The following FOXP2 variants were observed in gnomAD, a reference collection of about 807,000 sequenced individuals.
FOXP2 encodes forkhead box protein P2.
A neutral mutation model predicts 115.8 loss-of-function variants in FOXP2; 12 were observed. The ratio of observed to expected loss-of-function variants is 0.10; its 90% CI spans 0.07 to 0.17. The LOEUF (loss-of-function observed/expected upper bound fraction) is 0.17. FOXP2 is among the 10% of genes least tolerant of loss of function. FOXP2 has a pLI of 1.00. For synonymous variants in FOXP2, 328 were observed against 297.7 expected, an observed-to-expected ratio of 1.10 and a Z score of -1.05; for missense variants, 629 against 843.5, an observed-to-expected ratio of 0.75 and a Z score of 3.15.
chr7:114,685,456 T>C (rs1039224097), intron 16 of FOXP2, among the ~76,000 whole-genome samples: 3 of 152,190 alleles, frequency 2.0e-5, no homozygotes, highest in Non-Finnish European at 4.4e-5. Context: ...AACATAAGCA[T>C]AATAACTTCA....
chr7:114,515,942 C>T (rs1798319464), intron 2 of FOXP2, among the ~76,000 whole-genome samples: 1 of 152,148 alleles, frequency 6.6e-6, no homozygotes, highest in African/African-American at 2.4e-5. Context: ...ATTCCATGCT[C>T]ATGGGTAGGA....
At position 114,112,716 on chromosome 7, in the gene FOXP2, G is replaced by A. The variant is rs576334717; in HGVS notation, c.-247+24878G>A. Reference sequence around the variant, plus strand: ...GAATAGGGAGGCTCCAGTGGAACTTGGAAATATACCTAAAGGAACACCGGT... The same window carrying A: ...GAATAGGGAGGCTCCAGTGGAACTTAGAAATATACCTAAAGGAACACCGGT... On this transcript the variant is annotated intron_variant, in intron 1 of 19. Transcript: ENST00000635638. Among the ~76,000 whole-genome samples the A allele has an allele frequency of 1.1e-3, 165 of 152,208 alleles. 11 individuals are homozygous for A. The South Asian group carries it at 0.034, about 31-fold the overall frequency.
intron 2 of FOXP2, among the ~76,000 whole-genome samples, chr7:114,392,748 G>T (rs1004494182): frequency 2.0e-4 from 31 of 152,176 alleles, no homozygotes; most frequent in Admixed American, 2.0e-3. Context: ...ACTCACAGAA[G>T]ACTGAATTTG....
intron 4 of FOXP2, among the ~76,000 whole-genome samples, chr7:114,629,255 T>TTTATTAG (rs1804760352): frequency 6.6e-6 from 1 of 152,196 alleles, no homozygotes; most frequent in Non-Finnish European, 1.5e-5. Flanking sequence ...ATCGGAACCC[T>TTTATTAG]GAGTGTATAT....
At chr7:114,302,016 T>C (rs865987862) in intron 2 of FOXP2, among the ~76,000 whole-genome samples, 1 of 152,152 alleles carries the variant, frequency 6.6e-6, no homozygotes, top group Non-Finnish European at 1.5e-5. Flanking sequence ...TGATTAAAGA[T>C]AAAAAGTGGA....
At chr7:114,439,877 A>G (rs919677150) in intron 2 of FOXP2, among the ~76,000 whole-genome samples, 1 of 152,120 alleles carries the variant, frequency 6.6e-6, no homozygotes, top group Non-Finnish European at 1.5e-5. Flanking sequence ...CCTGGCCTAC[A>G]TTATCTTAAA....
chr7:114,442,886 A>G (rs1584741356), intron 2 of FOXP2, among the ~76,000 whole-genome samples: 1 of 152,220 alleles, frequency 6.6e-6, no homozygotes. Flanking sequence ...GATCAAAGAT[A>G]GAATTGACAC....
chr7:114,260,479 A>G (rs1211737061), intron 1 of FOXP2, among the ~76,000 whole-genome samples: 1 of 152,066 alleles, frequency 6.6e-6, no homozygotes, highest in Non-Finnish European at 1.5e-5. Context: ...ACAGCTTCAT[A>G]AAATTATCTA....
intron 1 of FOXP2, among the ~76,000 whole-genome samples, chr7:114,135,317 C>G (rs1792010301): frequency 6.6e-6 from 1 of 151,892 alleles, no homozygotes; most frequent in African/African-American, 2.4e-5. Context: ...AGACTAAAAC[C>G]TATTTTGTAG....
Position 114,198,556 on chromosome 7 carries a change from C to T in FOXP2, c.-102+35468C>T, listed in dbSNP as rs73716386. On this transcript the variant is annotated intron_variant, in intron 1 of 17. Coordinates refer to the FOXP2 transcript ENST00000634411. ...CTCATAAGCAGTTCACAATAGGGCT[C>T]GCACTTCCGTGGGAATCGAATGCTG... 9.0e-3 allele frequency among the ~76,000 whole-genome samples: 1,371 copies of T among 152,206 alleles called. 15 individuals carry two copies. The highest frequency in any genetic ancestry group is 0.031 in the African/African-American group (1,294 of 41,528).
intron 3 of FOXP2, among the ~76,000 whole-genome samples, chr7:114,544,125 G>C (rs1799808815): frequency 6.6e-6 from 1 of 152,080 alleles, no homozygotes; most frequent in Admixed American, 6.6e-5. Flanking sequence ...CAAGTGTCAG[G>C]GTTATAGTCA....
chr7:114,371,588 ACCC>A (rs1792011563), intron 2 of FOXP2, among the ~76,000 whole-genome samples: 1 of 152,166 alleles, frequency 6.6e-6, no homozygotes, highest in African/African-American at 2.4e-5. Flanking sequence ...ATTTGTTATT[ACCC>A]ACAATCTGCC....
At chr7:114,680,571 AT>A (rs1808032811) in intron 16 of FOXP2, among the ~76,000 whole-genome samples, 1 of 152,136 alleles carries the variant, frequency 6.6e-6, no homozygotes, top group South Asian at 2.1e-4. Context: ...TGCCCAGTAA[AT>A]AAATGAATCA....
At chr7:114,580,830 G>A (rs1436677476) in intron 3 of FOXP2, among the ~76,000 whole-genome samples, 1 of 152,064 alleles carries the variant, frequency 6.6e-6, no homozygotes, top group Admixed American at 6.6e-5. Context: ...TGGGATATCT[G>A]CGTGTTCAGT....
chr7:114,424,433 G>A (rs995396291), intron 1 of FOXP2, among the ~76,000 whole-genome samples: 3 of 151,410 alleles, frequency 2.0e-5, no homozygotes, highest in Non-Finnish European at 4.4e-5. Context: ...TTCCAGACAT[G>A]TTCTCAAAAG....
At chr7:114,424,712 A>G (rs1793766310) in intron 1 of FOXP2, among the ~76,000 whole-genome samples, 1 of 151,520 alleles carries the variant, frequency 6.6e-6, no homozygotes, top group Non-Finnish European at 1.5e-5. Flanking sequence ...AATGTTCAAT[A>G]AGATGTTTAG....
intron 2 of FOXP2, among the ~76,000 whole-genome samples, chr7:114,442,121 G>A (rs1368717396): frequency 6.6e-6 from 1 of 152,036 alleles, no homozygotes; most frequent in Non-Finnish European, 1.5e-5. Context: ...TTGGTGAACA[G>A]GTATTACAAA....
At chr7:114,477,599 T>C (rs1004513275) in intron 2 of FOXP2, among the ~76,000 whole-genome samples, 2 of 151,884 alleles carry the variant, frequency 1.3e-5, no homozygotes, top group Admixed American at 6.6e-5. Context: ...TCATGTAATA[T>C]TCCCATGTAA....
intron 1 of FOXP2, among the ~76,000 whole-genome samples, chr7:114,208,215 T>A (rs1794249683): frequency 6.6e-6 from 1 of 152,158 alleles, no homozygotes; most frequent in Admixed American, 6.5e-5. Flanking sequence ...ACCGCTTTCA[T>A]CAGTATGACC....
Sources: gnomAD v4.1 joint callset for allele counts (sites outside exome capture counted in the v4.1 genomes callset) on GRCh38, gnomAD v4.1.1 for gene constraint, MANE v1.5 for transcripts, NCBI Gene and HGNC (gene_info 2026-07-23, HGNC 2026-07-21) for gene names.